The following FBXO21 variants were observed in gnomAD, a reference collection of about 807,000 sequenced individuals.
FBXO21 encodes the protein F-box protein 21, also known as F-box only protein 21.
A neutral mutation model predicts 76.6 loss-of-function variants in FBXO21; 32 were observed. The observed-to-expected ratio is 0.42, with a 90% CI of 0.32 to 0.56. FBXO21 has a LOEUF of 0.56. Ranked by LOEUF, FBXO21 falls within the 20% of genes least tolerant of loss-of-function variation. The pLI, the probability that FBXO21 is intolerant of heterozygous loss-of-function variation, is 0.16. For missense variants in FBXO21, 586 were observed against 797.3 expected, an observed-to-expected ratio of 0.73 and a Z score of 3.19; for synonymous variants, 328 against 311.5, an observed-to-expected ratio of 1.05 and a Z score of -0.56.
At chr12:117,158,195 C>T (rs1035792915) in intron 9 of FBXO21, 132 bp from the exon 10 acceptor site, 22 of 982,020 alleles carry the variant, frequency 2.2e-5, no homozygotes, top group East Asian at 4.9e-5. Flanking sequence ...ATGCCCTGAT[C>T]GAACCGGTCC....
At chr12:117,190,191 A>G in intron 1 of FBXO21, 27 bp downstream of exon 1, 1 of 1,233,138 alleles carries the variant, frequency 8.1e-7, no homozygotes. Context: ...GTGGGCGCGC[A>G]GCCGGGGCGC....
intron 9 of FBXO21, among the ~76,000 whole-genome samples, chr12:117,158,676 CAG>C (rs779049620): frequency 3.9e-5 from 6 of 152,184 alleles, no homozygotes; most frequent in Non-Finnish European, 8.8e-5. Flanking sequence ...CCACGTATAT[CAG>C]AGTTCTAAAA....
chr12:117,190,274 C>T lies in FBXO21; in HGVS notation c.183G>A (p.Arg61=), dbSNP rs771787987. 1.9e-5 allele frequency: 30 copies of T among 1,542,638 alleles called. No homozygotes were observed. In the East Asian group the frequency reaches 4.8e-4, roughly 25 times the overall value. Residue 61 remains arginine, a synonymous_variant, in exon 1 of 12, where the codon CGG becomes CGA. Transcript: ENST00000622495. ...CGCTGCTCTGGCACAGCTCGCGCAG[C>T]CGCCGGCAGGTGCTGGAGACACGGC... ...DIGRVSSTCR[R]LRELCQSSGK... is the part of the protein sequence containing the mutation.
intron 4 of FBXO21, 129 bp downstream of exon 4, chr12:117,177,391 A>T: frequency 2.4e-6 from 2 of 841,610 alleles, no homozygotes; most frequent in Non-Finnish European, 3.6e-6. Context: ...CAACCTGCAG[A>T]AGCCCACGCA....
At chr12:117,155,666 C>T in intron 11 of FBXO21, 125 bp downstream of exon 11, 3 of 1,096,586 alleles carry the variant, frequency 2.7e-6, no homozygotes, top group Non-Finnish European at 3.9e-6. Flanking sequence ...AGGAGGCCGG[C>T]CATGGGGCGT....
At position 117,148,325 on chromosome 12, in the gene FBXO21, T is replaced by TAA. The variant is rs553495288; in HGVS notation, c.1676-2049_1676-2048insTT. ...GCAGAGATAAATGTATGGAGGCTGT[T>TAA]TACCTTAACAGTACTTATGCTAGGA... On this transcript the variant is annotated intron_variant, in intron 11 of 11. Coordinates refer to ENST00000622495, the MANE Select transcript of FBXO21 (RefSeq NM_015002.3). Among the ~76,000 whole-genome samples, 80 of 152,356 alleles carry TAA rather than the reference T, an allele frequency of 5.3e-4. 1 individual carries two copies. In the East Asian group the frequency reaches 0.014, roughly 26 times the overall value.
chr12:117,149,374 A>G (rs2135844242), intron 11 of FBXO21, among the ~76,000 whole-genome samples: 1 of 152,270 alleles, frequency 6.6e-6, no homozygotes, highest in East Asian at 1.9e-4. Context: ...CGAGACAAAA[A>G]TCCCCTTTGC....
At chr12:117,164,086 TCA>T (rs1306454635) in intron 9 of FBXO21, among the ~76,000 whole-genome samples, 2 of 143,820 alleles carry the variant, frequency 1.4e-5, no homozygotes, top group African/African-American at 5.2e-5. Context: ...ATGGTGAAAC[TCA>T]GTTTCTATTT....
At chr12:117,174,965 A>C (rs1956159236) in intron 4 of FBXO21, among the ~76,000 whole-genome samples, 168 bp from the exon 5 acceptor site, 1 of 152,192 alleles carries the variant, frequency 6.6e-6, no homozygotes. Flanking sequence ...AGGAGCAACA[A>C]ACATTTTCAT....
At chr12:117,169,797 G>A (rs1037887700) in intron 7 of FBXO21, among the ~76,000 whole-genome samples, 1 of 152,052 alleles carries the variant, frequency 6.6e-6, no homozygotes, top group Non-Finnish European at 1.5e-5. Context: ...GTGCGTCACC[G>A]TGCCTGGCTT....
In FBXO21 at chr12:117,186,528, G is replaced by A; in HGVS notation, c.419C>T (p.Pro140Leu). ...GFSDIENLEG[P>L]EIFFEDELVC... ...CAGTTCATCCTCAAAAAAAATCTCTGGTCCTTCAAGGTTCTCAATGTCACT... is the reference window on the plus strand; with the variant it reads ...CAGTTCATCCTCAAAAAAAATCTCTAGTCCTTCAAGGTTCTCAATGTCACT... Residue 140 changes from proline (P) to leucine (L), a missense_variant, in exon 3 of 12, where the codon CCA becomes CTA. Physicochemically the swap from Pro to Leu is moderately conservative, Grantham distance 98 (BLOSUM62 -3). Transcript: ENST00000622495. The A allele has an allele frequency of 6.2e-7, 1 of 1,613,144 alleles. No homozygotes were observed. Among genetic ancestry groups the A allele is most frequent in the Admixed American group, 1.7e-5 (1 of 59,914 alleles).
intron 3 of FBXO21, among the ~76,000 whole-genome samples, chr12:117,178,282 C>T (rs112748282): frequency 2.8e-4 from 42 of 152,228 alleles, no homozygotes; most frequent in African/African-American, 8.7e-4. Context: ...CCAATGCTAT[C>T]GGTACTATCT....
intron 7 of FBXO21, 70 bp downstream of exon 7, chr12:117,172,398 GAAA>G: frequency 6.5e-7 from 1 of 1,534,440 alleles, no homozygotes; most frequent in African/African-American, 1.4e-5. Context: ...ACTTGATGAT[GAAA>G]ATCAGACTGC....
chr12:117,180,002 A>G (rs1398666082), intron 3 of FBXO21, among the ~76,000 whole-genome samples: 1 of 152,210 alleles, frequency 6.6e-6, no homozygotes, highest in Non-Finnish European at 1.5e-5. Flanking sequence ...TATTCGATGC[A>G]TTTCAATCCA....
Position 117,157,934 on chromosome 12 carries a change from G to A in FBXO21, c.1456C>T (p.Arg486Cys). 2 of 1,613,980 alleles carry A rather than the reference G, an allele frequency of 1.2e-6. No homozygotes were observed. The highest frequency in any genetic ancestry group is 8.5e-7 in the Non-Finnish European group (1 of 1,179,962). The part of the protein sequence containing the change: ...KEEVGVEVKL[R>C]SDEKHRDVCY... ...ACATCTCTGTGCTTCTCATCGGAGC[G>A]CAGCTTCACCTCTACGCCCACCTCC... The change falls in exon 10 of 12, where the codon CGC (arginine) becomes TGC (cysteine). Residue 486 changes from arginine to cysteine, a missense_variant. Around this residue, in one of 6 missense-constraint regions of FBXO21, gnomAD observed 164 missense variants for 236.7 expected, o/e 0.69. Coordinates refer to ENST00000622495, the MANE Select transcript of FBXO21 (RefSeq NM_015002.3).
chr12:117,146,929 C>G (rs1955777605), intron 11 of FBXO21, among the ~76,000 whole-genome samples: 1 of 152,248 alleles, frequency 6.6e-6, no homozygotes, highest in South Asian at 2.1e-4. Flanking sequence ...TCTCTCTGTT[C>G]TCTATTTTGC....
chr12:117,164,089 G>A (rs1332503625), intron 9 of FBXO21, among the ~76,000 whole-genome samples: 1 of 134,268 alleles, frequency 7.4e-6, no homozygotes, highest in African/African-American at 2.8e-5. Context: ...GTGAAACTCA[G>A]TTTCTATTTA....
At chr12:117,170,361 T>G (rs1034581848) in intron 7 of FBXO21, among the ~76,000 whole-genome samples, 1 of 152,228 alleles carries the variant, frequency 6.6e-6, no homozygotes, top group East Asian at 1.9e-4. Context: ...AACAGACACA[T>G]AGGGTTTCCA....
intron 4 of FBXO21, among the ~76,000 whole-genome samples, chr12:117,175,540 C>T (rs952397714): frequency 1.3e-5 from 2 of 152,250 alleles, no homozygotes; most frequent in Non-Finnish European, 2.9e-5. Flanking sequence ...AACCTGGACT[C>T]CCTTACCAAT....
Sources: gnomAD v4.1 joint callset for allele counts (sites outside exome capture counted in the v4.1 genomes callset) on GRCh38, gnomAD v4.1.1 for gene constraint, gnomAD v4.1.1 regional missense constraint, MANE v1.5 for transcripts, NCBI Gene and HGNC (gene_info 2026-07-23, HGNC 2026-07-21) for gene names.